UTRN: variants seen among roughly 807,000 people sequenced by gnomAD.
UTRN encodes dystrophin-related protein 1.
Under a neutral mutation model 463.9 loss-of-function variants are expected in UTRN, and 283 were observed. The ratio of observed to expected loss-of-function variants is 0.61; its 90% CI spans 0.55 to 0.67. The LOEUF (loss-of-function observed/expected upper bound fraction) is 0.67, where lower values mean the gene tolerates loss of function less well. UTRN is among the 30% of genes least tolerant of loss of function. The pLI, the probability that UTRN is intolerant of heterozygous loss-of-function variation, is 0.00. For synonymous variants in UTRN, 1,442 were observed against 1,431.5 expected (o/e 1.01, Z -0.17); for missense variants, 3,922 against 4,084.3 (o/e 0.96, Z 1.08).
At chr6:144,423,856 C>G (rs1785068055) in intron 5 of UTRN, 130 bp from the exon 6 acceptor site, 1 of 1,008,966 alleles carries the variant, frequency 9.9e-7, no homozygotes, top group Non-Finnish European at 1.5e-6. Flanking sequence ...TTACCTGATT[C>G]TCTAAAATGA....
At chr6:144,579,330 A>T (rs1470079046) in intron 51 of UTRN, among the ~76,000 whole-genome samples, 1 of 152,118 alleles carries the variant, frequency 6.6e-6, no homozygotes, top group African/African-American at 2.4e-5. Flanking sequence ...TTTTTTTATG[A>T]TTTAAACAAG....
At chr6:144,687,855 C>T (rs1304255961) in intron 52 of UTRN, among the ~76,000 whole-genome samples, 2 of 152,044 alleles carry the variant, frequency 1.3e-5, no homozygotes, top group Non-Finnish European at 2.9e-5. Flanking sequence ...AGTGAGTCTC[C>T]TAGGACTGCT....
chr6:144,761,628 A>C (rs1030519866), intron 58 of UTRN, among the ~76,000 whole-genome samples: 1 of 152,160 alleles, frequency 6.6e-6, no homozygotes, highest in Non-Finnish European at 1.5e-5. Context: ...TCTGGGCAAC[A>C]GAGTGAAACT....
chr6:144,314,986 G>A (rs528321818), intron 2 of UTRN, among the ~76,000 whole-genome samples: 25 of 150,300 alleles, frequency 1.7e-4, no homozygotes, highest in African/African-American at 5.9e-4. Context: ...TTATTTAACA[G>A]CTAAGGAAAC....
intron 51 of UTRN, among the ~76,000 whole-genome samples, chr6:144,602,194 C>T (rs890179290): frequency 9.9e-5 from 15 of 151,740 alleles, no homozygotes; most frequent in African/African-American, 3.6e-4. Flanking sequence ...TGCAGGGGTA[C>T]GATCTTGGCT....
Position 144,684,841 on chromosome 6 carries a change from T to C in UTRN, c.7652+6263T>C, listed in dbSNP as rs563562204. Among the ~76,000 whole-genome samples, 34 of 152,312 alleles carry C rather than the reference T, an allele frequency of 2.2e-4. No individual in the cohort carries two copies. The South Asian group carries it at 6.0e-3, about 27-fold the overall frequency. Reference sequence around the variant, plus strand: ...TAACTTTACAGTTTTATCCAGTTCATTTTTATTTTTTACTTATTTATTTTT... The same window carrying C: ...TAACTTTACAGTTTTATCCAGTTCACTTTTATTTTTTACTTATTTATTTTT... On this transcript the variant is annotated intron_variant, in intron 52 of 74. Coordinates refer to ENST00000367545, the MANE Select transcript of UTRN (RefSeq NM_007124.3).
intron 68 of UTRN, among the ~76,000 whole-genome samples, chr6:144,828,337 T>C (rs1780368770): frequency 6.6e-6 from 1 of 151,790 alleles, no homozygotes; most frequent in Non-Finnish European, 1.5e-5. Context: ...GAAAGAGAAA[T>C]AGATGAGAAA....
intron 47 of UTRN, among the ~76,000 whole-genome samples, chr6:144,550,759 A>T (rs749554865): frequency 5.3e-5 from 8 of 152,114 alleles, no homozygotes; most frequent in Non-Finnish European, 1.2e-4. Context: ...TTGCCTGGTG[A>T]CTCAGGTGCT....
intron 46 of UTRN, among the ~76,000 whole-genome samples, chr6:144,546,703 G>A (rs1228608642): frequency 3.9e-5 from 6 of 152,108 alleles, no homozygotes; most frequent in African/African-American, 1.4e-4. Flanking sequence ...CAACTAATCA[G>A]GAGGCAGTGG....
intron 53 of UTRN, among the ~76,000 whole-genome samples, chr6:144,703,365 G>T (rs970856948): frequency 2.0e-5 from 3 of 152,136 alleles, no homozygotes; most frequent in Non-Finnish European, 4.4e-5. Context: ...AGAAAGATCA[G>T]GATTAGAGAT....
chr6:144,394,042 G>T (rs1310792172), intron 2 of UTRN, among the ~76,000 whole-genome samples: 1 of 152,104 alleles, frequency 6.6e-6, no homozygotes, highest in African/African-American at 2.4e-5. Context: ...GTGTTGTATG[G>T]GCTCTGACAC....
At position 144,516,891 on chromosome 6, in the gene UTRN, A is replaced by G; in HGVS notation, c.5484A>G (p.Lys1828=). The part of the protein sequence containing the change: ...EMLHQPMEDN[K]KEKIRLQLLL... ...TACATCAACCTATGGAAGATAATAA[A>G]AAAGAAAAGATCCGTTTGCAATTAT... The change falls in exon 39 of 75, where the codon AAA becomes AAG. Residue 1828 remains lysine (K), a synonymous_variant. Coordinates refer to ENST00000367545, the MANE Select transcript of UTRN (RefSeq NM_007124.3). 1 of 1,514,036 alleles carries G rather than the reference A, an allele frequency of 6.6e-7. No homozygotes were observed. Among genetic ancestry groups the G allele is most frequent in the Non-Finnish European group, 8.8e-7 (1 of 1,133,522 alleles). The allele number at this position is 1,514,036 out of a possible 1,614,324, so 93.8% of individuals were successfully genotyped here.
chr6:144,847,350 G>GA (rs1024423281), intron 74 of UTRN, among the ~76,000 whole-genome samples: 26 of 152,244 alleles, frequency 1.7e-4, no homozygotes, highest in African/African-American at 6.3e-4. Flanking sequence ...ACACACCTGG[G>GA]AAAAAGAGAG....
intron 68 of UTRN, among the ~76,000 whole-genome samples, chr6:144,828,369 G>A (rs1008326954): frequency 2.6e-5 from 4 of 152,136 alleles, no homozygotes; most frequent in African/African-American, 9.7e-5. Context: ...AGAAGTTGAG[G>A]TCTGATAATG....
intron 51 of UTRN, among the ~76,000 whole-genome samples, chr6:144,582,668 G>C (rs534541021): frequency 5.3e-5 from 8 of 152,266 alleles, no homozygotes; most frequent in African/African-American, 1.7e-4. Flanking sequence ...TATTCACTTA[G>C]CTGTTTAATT....
intron 51 of UTRN, among the ~76,000 whole-genome samples, chr6:144,659,193 C>A (rs775557074): frequency 3.3e-5 from 5 of 152,174 alleles, no homozygotes; most frequent in Non-Finnish European, 7.3e-5. Context: ...AACCTGTGAT[C>A]CATTCAAGAT....
intron 2 of UTRN, among the ~76,000 whole-genome samples, chr6:144,360,103 TCC>T (rs1387996606): frequency 1.3e-5 from 1 of 77,434 alleles, no homozygotes; most frequent in Non-Finnish European, 2.2e-5. Flanking sequence ...TCCCCTCCCC[TCC>T]CCTCCCCCCT....
At chr6:144,713,920 C>A (rs962949184) in intron 53 of UTRN, among the ~76,000 whole-genome samples, 791 of 100,360 alleles carry the variant, frequency 7.9e-3, no homozygotes, top group Non-Finnish European at 8.4e-3. Flanking sequence ...AACTCTGTCT[C>A]AAAAAAAAAA....
intron 51 of UTRN, among the ~76,000 whole-genome samples, chr6:144,670,909 T>A (rs1489307016): frequency 6.6e-6 from 1 of 152,202 alleles, no homozygotes; most frequent in African/African-American, 2.4e-5. Context: ...CCCCACTTTA[T>A]GCTTGTGTTT....
Sources: allele counts gnomAD v4.1 joint callset (sites outside exome capture counted in the v4.1 genomes callset), GRCh38; gene constraint gnomAD v4.1.1; transcripts MANE v1.5; gene names NCBI Gene and HGNC (gene_info 2026-07-23, HGNC 2026-07-21).